The following ATAD2B variants were observed in gnomAD, a reference collection of about 807,000 sequenced individuals.
ATAD2B encodes ATPase family AAA domain-containing protein 2B.
A neutral mutation model predicts 167.6 loss-of-function variants in ATAD2B; 40 were observed. That is an observed-to-expected ratio of 0.24 (90% CI 0.19 to 0.31). The LOEUF is 0.31. Among genes scored for constraint, ATAD2B ranks in the 10% least tolerant of loss-of-function variants. The pLI is 1.00. For missense variants in ATAD2B, 1,242 were observed against 1,757.2 expected (o/e 0.71, Z 5.24); for synonymous variants, 579 against 596.5 (o/e 0.97, Z 0.43).
intron 1 of ATAD2B, among the ~76,000 whole-genome samples, chr2:23,922,747 A>G (rs1382311378): frequency 6.6e-6 from 1 of 151,562 alleles, no homozygotes; most frequent in Non-Finnish European, 1.5e-5. Flanking sequence ...CCTGTCAGGT[A>G]TATAAAAAGG....
At chr2:23,734,788 C>A in the ATAD2B span, among the ~76,000 whole-genome samples, 2 of 152,200 alleles carry the variant, frequency 1.3e-5, no homozygotes, top group African/African-American at 4.8e-5. Context: ...GGTGGGGACA[C>A]AGACCCAAAC....
intron 13 of ATAD2B, among the ~76,000 whole-genome samples, chr2:23,852,598 A>C (rs1410397201): frequency 6.6e-6 from 1 of 152,202 alleles, no homozygotes; most frequent in Non-Finnish European, 1.5e-5. Context: ...AGTGAGGTTT[A>C]TTCTAAGAAT....
intron 19 of ATAD2B, among the ~76,000 whole-genome samples, chr2:23,790,143 A>G (rs2149423147): frequency 6.6e-6 from 1 of 152,312 alleles, no homozygotes; most frequent in East Asian, 1.9e-4. Context: ...TAAATTTACT[A>G]CTGAACATGC....
At chr2:23,703,583 G>T in the ATAD2B span, 1 of 1,204,780 alleles carries the variant, frequency 8.3e-7, no homozygotes, top group Non-Finnish European at 1.1e-6. Context: ...CCTAGGCCCC[G>T]GACCCATCCC....
chr2:23,736,278 T>C, the ATAD2B span, among the ~76,000 whole-genome samples: 56 of 152,316 alleles, frequency 3.7e-4, no homozygotes, highest in Non-Finnish European at 7.1e-4. Flanking sequence ...TTGGTTTTAT[T>C]TCCCAGGGAA....
At chr2:23,772,266 G>A (rs1314064492) in intron 22 of ATAD2B, among the ~76,000 whole-genome samples, 1 of 152,052 alleles carries the variant, frequency 6.6e-6, no homozygotes, top group African/African-American at 2.4e-5. Context: ...TAATAGTTGT[G>A]CAACAATCCA....
chr2:23,816,261 A>C lies in ATAD2B; in HGVS notation c.2267+3486T>G, dbSNP rs552105729. ...TTAACAATCTGTGTCAACATGTTAA[A>C]TGTATACACTCTTTGACACAGCAAT... On this transcript the variant is annotated intron_variant, in intron 17 of 27. Coordinates refer to ENST00000238789, the MANE Select transcript of ATAD2B (RefSeq NM_017552.4). 1.2e-3 allele frequency among the ~76,000 whole-genome samples: 189 copies of C among 152,330 alleles called. 1 individual carries two copies. In the Middle Eastern group the frequency reaches 0.014, roughly 11 times the overall value.
intron 1 of ATAD2B, among the ~76,000 whole-genome samples, chr2:23,926,161 G>C (rs1704765865): frequency 6.6e-6 from 1 of 152,186 alleles, no homozygotes; most frequent in Admixed American, 6.5e-5. Flanking sequence ...CTTTCAAGAA[G>C]GGTTTGACAC....
At chr2:23,731,927 C>T in the ATAD2B span, among the ~76,000 whole-genome samples, 83,336 of 151,102 alleles carry the variant, frequency 0.55, 23,722 homozygotes, top group East Asian at 0.79. Flanking sequence ...CAGTGAGATA[C>T]GACTGTATAA....
the ATAD2B span, among the ~76,000 whole-genome samples, chr2:23,739,802 A>AG: frequency 1.3e-5 from 2 of 152,340 alleles, no homozygotes; most frequent in African/African-American, 4.8e-5. Flanking sequence ...ATAGACCACT[A>AG]GCAAGACTAA....
intron 13 of ATAD2B, among the ~76,000 whole-genome samples, chr2:23,836,930 A>G (rs1690080871): frequency 6.6e-6 from 1 of 152,106 alleles, no homozygotes; most frequent in Non-Finnish European, 1.5e-5. Context: ...TTCCCACTCC[A>G]GTCTGTGGGA....
At chr2:23,680,694 GGT>G in the ATAD2B span, among the ~76,000 whole-genome samples, 3 of 151,438 alleles carry the variant, frequency 2.0e-5, no homozygotes, top group Non-Finnish European at 4.4e-5. The surrounding 1 kb of genome is among the most constrained non-coding windows in gnomAD (Gnocchi z 4.1). Flanking sequence ...CTTCCCCTGG[GGT>G]CTCTAGGCCA....
chr2:23,885,201 C>A (rs529074552), intron 5 of ATAD2B, among the ~76,000 whole-genome samples: 5 of 152,058 alleles, frequency 3.3e-5, no homozygotes, highest in Admixed American at 3.3e-4. Context: ...AAGAGAGGTA[C>A]AAAGTACTCC....
intron 13 of ATAD2B, among the ~76,000 whole-genome samples, chr2:23,835,271 T>C (rs1689743503): frequency 6.6e-6 from 1 of 152,124 alleles, no homozygotes; most frequent in Non-Finnish European, 1.5e-5. Context: ...AACCCAAAAG[T>C]CCATCAACTG....
At chr2:23,694,280 C>T in the ATAD2B span, among the ~76,000 whole-genome samples, 1 of 152,206 alleles carries the variant, frequency 6.6e-6, no homozygotes, top group Non-Finnish European at 1.5e-5. Flanking sequence ...TTAGCTTCCT[C>T]CCACTTCTCC....
intron 17 of ATAD2B, among the ~76,000 whole-genome samples, chr2:23,814,957 G>A (rs1216080995): frequency 6.6e-6 from 1 of 151,824 alleles, no homozygotes; most frequent in African/African-American, 2.4e-5. Context: ...TTGGGAGGCT[G>A]AGGCAGGAGA....
the ATAD2B span, among the ~76,000 whole-genome samples, chr2:23,724,356 G>C: frequency 1.3e-5 from 2 of 152,064 alleles, no homozygotes; most frequent in African/African-American, 4.8e-5. Context: ...TGTATGTGTT[G>C]AAACATCCCC....
the ATAD2B span, among the ~76,000 whole-genome samples, chr2:23,709,030 C>A: frequency 2.7e-4 from 41 of 152,150 alleles, no homozygotes; most frequent in Admixed American, 5.9e-4. Flanking sequence ...GATTTCTTTT[C>A]TTTTCTTTTC....
chr2:23,779,399 T>A (rs568385799), intron 22 of ATAD2B, among the ~76,000 whole-genome samples: 5 of 151,944 alleles, frequency 3.3e-5, no homozygotes, highest in Admixed American at 3.3e-4. Flanking sequence ...ATGGTCTCGA[T>A]CTCCTGACCT....
Sources: allele counts gnomAD v4.1 joint callset (sites outside exome capture counted in the v4.1 genomes callset), GRCh38; gene constraint gnomAD v4.1.1; non-coding constraint Gnocchi (gnomAD v3.1); transcripts MANE v1.5; gene names NCBI Gene and HGNC (gene_info 2026-07-23, HGNC 2026-07-21).